The following PKNOX2 variants were observed in gnomAD, a reference collection of about 807,000 sequenced individuals.
The protein encoded by PKNOX2 is PBX/knotted 1 homeobox 2.
Under a neutral mutation model 53.1 loss-of-function variants are expected in PKNOX2, and 14 were observed. The observed-to-expected ratio is 0.26, with a 90% confidence interval of 0.17 to 0.41. PKNOX2 has a LOEUF of 0.41. PKNOX2 is among the 10% of genes least tolerant of loss of function. The pLI is 1.00. For synonymous variants in PKNOX2, 257 were observed against 242.8 expected, an observed-to-expected ratio of 1.06 and a Z score of -0.54; for missense variants, 496 against 602.8, an observed-to-expected ratio of 0.82 and a Z score of 1.85.
At chr11:125,182,379 A>G (rs920261563) in intron 1 of PKNOX2, among the ~76,000 whole-genome samples, 2 of 152,280 alleles carry the variant, frequency 1.3e-5, no homozygotes, top group Admixed American at 6.5e-5. Flanking sequence ...ATAGATGTCT[A>G]TGGAAGATCT....
intron 2 of PKNOX2, among the ~76,000 whole-genome samples, chr11:125,237,183 T>C (rs1942765053): frequency 6.6e-6 from 1 of 152,216 alleles, no homozygotes; most frequent in Admixed American, 6.5e-5. Flanking sequence ...GACAGCTCCA[T>C]GTAGCCTGAG....
chr11:125,340,065 T>A (rs1490824680), intron 3 of PKNOX2, among the ~76,000 whole-genome samples: 1 of 152,222 alleles, frequency 6.6e-6, no homozygotes, highest in African/African-American at 2.4e-5. Context: ...CTGCTCATTT[T>A]TATAAAATAA....
intron 7 of PKNOX2, among the ~76,000 whole-genome samples, chr11:125,406,505 C>A (rs895926373): frequency 1.7e-4 from 26 of 152,148 alleles, no homozygotes; most frequent in African/African-American, 6.3e-4. Flanking sequence ...CCCAACTGTA[C>A]GACTCCCTAG....
At chr11:125,253,495 C>T (rs80152531) in intron 2 of PKNOX2, among the ~76,000 whole-genome samples, 3,399 of 152,196 alleles carry the variant, frequency 0.022, 145 homozygotes, top group African/African-American at 0.076. Context: ...CTCATGTGCA[C>T]GTGTCCTTCA....
At chr11:125,191,683 T>C (rs1956888070) in intron 1 of PKNOX2, among the ~76,000 whole-genome samples, 1 of 151,896 alleles carries the variant, frequency 6.6e-6, no homozygotes, top group Non-Finnish European at 1.5e-5. Flanking sequence ...GGGTGCGGTG[T>C]GGAGTGGAGG....
chr11:125,410,487 C>A, intron 8 of PKNOX2, 162 bp downstream of exon 8: 1 of 1,032,186 alleles, frequency 9.7e-7, no homozygotes, highest in Non-Finnish European at 1.4e-6. Context: ...CGGTTAGCGC[C>A]AAGACCCAAT....
chr11:125,238,996 C>T (rs1418171908), intron 2 of PKNOX2, among the ~76,000 whole-genome samples: 1 of 152,158 alleles, frequency 6.6e-6, no homozygotes, highest in Non-Finnish European at 1.5e-5. Flanking sequence ...TATGAGGACT[C>T]ACTGCGATCC....
intron 2 of PKNOX2, among the ~76,000 whole-genome samples, chr11:125,247,097 G>T (rs912366517): frequency 6.6e-6 from 1 of 152,168 alleles, no homozygotes; most frequent in Non-Finnish European, 1.5e-5. Flanking sequence ...GACCCCCAGG[G>T]CCTCTTGTCT....
At chr11:125,294,302 G>C (rs1947506939) in intron 2 of PKNOX2, among the ~76,000 whole-genome samples, 1 of 152,118 alleles carries the variant, frequency 6.6e-6, no homozygotes, top group African/African-American at 2.4e-5. Flanking sequence ...CCTGAGGTAA[G>C]CCCCCCCATC....
At chr11:125,315,303 G>GCAAAAAAAAAAAAA (rs1949087067) in intron 2 of PKNOX2, among the ~76,000 whole-genome samples, 1 of 79,454 alleles carries the variant, frequency 1.3e-5, no homozygotes, top group African/African-American at 3.9e-5. Flanking sequence ...TGTGAAGCAG[G>GCAAAAAAAAAAAAA]AAAAAAAAAA....
At chr11:125,407,734 C>T (rs944730054) in intron 7 of PKNOX2, among the ~76,000 whole-genome samples, 1 of 148,682 alleles carries the variant, frequency 6.7e-6, no homozygotes, top group Non-Finnish European at 1.5e-5. Flanking sequence ...ACTCTCTACC[C>T]TGTCTCAAAA....
At chr11:125,183,198 CTTTTTTTTTTTTTTT>C (rs10676031) in intron 1 of PKNOX2, among the ~76,000 whole-genome samples, 31,006 of 86,008 alleles carry the variant, frequency 0.36, 8,931 homozygotes, top group Middle Eastern at 0.49. Flanking sequence ...GCGATGAATC[CTTTTTTTTTTTTTTT>C]TTTTTTTTTT....
At chr11:125,270,722 A>G (rs1945729982) in intron 2 of PKNOX2, among the ~76,000 whole-genome samples, 1 of 152,190 alleles carries the variant, frequency 6.6e-6, no homozygotes, top group East Asian at 1.9e-4. Flanking sequence ...GAAAATTTAA[A>G]CAATTGGCAC....
intron 2 of PKNOX2, among the ~76,000 whole-genome samples, chr11:125,302,056 G>C (rs971100290): frequency 4.6e-5 from 7 of 152,232 alleles, no homozygotes; most frequent in African/African-American, 1.7e-4. Flanking sequence ...TGGCATCTCA[G>C]ACGCAGTTCG....
intron 3 of PKNOX2, among the ~76,000 whole-genome samples, chr11:125,343,639 CA>C (rs1216221897): frequency 1.3e-5 from 2 of 152,158 alleles, no homozygotes; most frequent in African/African-American, 2.4e-5. Context: ...TTGCCGCTAT[CA>C]GGGGGAATTA....
chr11:125,399,042 G>A (rs1220739297), intron 7 of PKNOX2, among the ~76,000 whole-genome samples: 3 of 152,368 alleles, frequency 2.0e-5, no homozygotes, highest in Middle Eastern at 3.4e-3. Flanking sequence ...CCAGATTGGT[G>A]GAGTCAGGGG....
At chr11:125,211,464 C>T (rs942884902) in intron 1 of PKNOX2, among the ~76,000 whole-genome samples, 1 of 152,110 alleles carries the variant, frequency 6.6e-6, no homozygotes, top group Non-Finnish European at 1.5e-5. Context: ...TGGTTGGAGA[C>T]ATATAATAAA....
At chr11:125,317,947 T>C (rs1160077510) in intron 2 of PKNOX2, among the ~76,000 whole-genome samples, 1 of 152,248 alleles carries the variant, frequency 6.6e-6, no homozygotes, top group Non-Finnish European at 1.5e-5. Context: ...ATTTGTTGTT[T>C]ACTGTAGCCT....
chr11:125,265,194 G>A (rs1945221619), intron 2 of PKNOX2, among the ~76,000 whole-genome samples: 1 of 152,100 alleles, frequency 6.6e-6, no homozygotes, highest in Admixed American at 6.5e-5. Flanking sequence ...GGCTGAGGCA[G>A]GAGATTGCCG....
Sources: gnomAD v4.1 joint callset for allele counts (sites outside exome capture counted in the v4.1 genomes callset) on GRCh38, gnomAD v4.1.1 for gene constraint, MANE v1.5 for transcripts, NCBI Gene and HGNC (gene_info 2026-07-23, HGNC 2026-07-21) for gene names.